The following UNC5D variants were observed in gnomAD, a reference collection of about 807,000 sequenced individuals.
The protein encoded by UNC5D is unc-5 netrin receptor D, also known as netrin receptor UNC5D.
In UNC5D, 39 loss-of-function variants were observed where a neutral mutation model predicts 105.4. The observed-to-expected ratio is 0.37, with a 90% CI of 0.29 to 0.48. The LOEUF is 0.48. UNC5D is among the 20% of genes least tolerant of loss of function. UNC5D has a pLI of 0.98. For synonymous variants in UNC5D, 452 were observed against 450.4 expected (o/e 1.00, Z -0.04); for missense variants, 991 against 1,202.4 (o/e 0.82, Z 2.60).
At chr8:35,660,291 A>C (rs1450403609) in intron 4 of UNC5D, among the ~76,000 whole-genome samples, 1 of 152,188 alleles carries the variant, frequency 6.6e-6, no homozygotes, top group Admixed American at 6.5e-5. Context: ...TGGTCTTATA[A>C]AAGGAAGTAA....
intron 2 of UNC5D, among the ~76,000 whole-genome samples, chr8:35,550,416 G>A (rs973154767): frequency 7.9e-5 from 12 of 152,096 alleles, no homozygotes; most frequent in Non-Finnish European, 1.2e-4. Context: ...CTGGTCACAC[G>A]TTAGATTGTT....
chr8:35,570,548 T>A (rs777609656), intron 3 of UNC5D, among the ~76,000 whole-genome samples: 23 of 152,170 alleles, frequency 1.5e-4, no homozygotes, highest in South Asian at 6.2e-4. Flanking sequence ...GAATTAAAAT[T>A]TTAGTAACCT....
At chr8:35,698,137 ATATGTT>A (rs1243787006) in intron 7 of UNC5D, among the ~76,000 whole-genome samples, 2 of 151,996 alleles carry the variant, frequency 1.3e-5, no homozygotes, top group Non-Finnish European at 2.9e-5. Context: ...TAAAAATTGT[ATATGTT>A]TAAATTGCAC....
chr8:35,705,869 T>C (rs2131452807), intron 7 of UNC5D, 60 bp from the exon 8 acceptor site: 1 of 1,095,746 alleles, frequency 9.1e-7, no homozygotes, highest in Non-Finnish European at 1.3e-6. Flanking sequence ...ACAGGAAATA[T>C]ATCTGCTCCA....
chr8:35,241,858 C>CA (rs1411031515), intron 1 of UNC5D, among the ~76,000 whole-genome samples: 21 of 152,152 alleles, frequency 1.4e-4, no homozygotes, highest in African/African-American at 5.1e-4. Context: ...TCTCTTTCAG[C>CA]TATTTTGGAA....
In UNC5D at chr8:35,537,983, C is replaced by G. The variant is rs373159682; in HGVS notation, c.104-11309C>G. On this transcript the variant is annotated intron_variant, in intron 1 of 16. Transcript: ENST00000404895. ...CTCACATCCTTTGCTTTCATGGAAC[C>G]TATAGTCTAGATATACATGATATCC... 4.6e-5 allele frequency among the ~76,000 whole-genome samples: 7 copies of G among 152,016 alleles called. No homozygotes were observed. The South Asian group carries it at 1.5e-3, about 32-fold the overall frequency.
intron 7 of UNC5D, among the ~76,000 whole-genome samples, chr8:35,696,282 A>ATTTTTTTTTTTTTTTTT (rs755876112): frequency 1.8e-5 from 2 of 113,224 alleles, no homozygotes; most frequent in African/African-American, 3.4e-5. Context: ...TCAATATTTA[A>ATTTTTTTTTTTTTTTTT]TTTTTTTTTT....
chr8:35,735,573 C>T (rs1158042416), intron 11 of UNC5D, among the ~76,000 whole-genome samples: 1 of 152,138 alleles, frequency 6.6e-6, no homozygotes, highest in African/African-American at 2.4e-5. Flanking sequence ...TAATAGAAAA[C>T]ATTATCTTTT....
At chr8:35,346,696 C>CAT (rs1811827684) in intron 1 of UNC5D, among the ~76,000 whole-genome samples, 1 of 151,818 alleles carries the variant, frequency 6.6e-6, no homozygotes, top group African/African-American at 2.4e-5. Flanking sequence ...AAATTGGTAC[C>CAT]ATGGCCTTGA....
intron 1 of UNC5D, among the ~76,000 whole-genome samples, chr8:35,269,004 A>G (rs1243510339): frequency 6.6e-6 from 1 of 152,208 alleles, no homozygotes; most frequent in Non-Finnish European, 1.5e-5. Context: ...TGGGTGGGTA[A>G]CCATAGTTTA....
At chr8:35,529,032 T>C (rs1247652029) in intron 1 of UNC5D, among the ~76,000 whole-genome samples, 3 of 118,190 alleles carry the variant, frequency 2.5e-5, no homozygotes, top group African/African-American at 3.5e-5. Context: ...TCTTTTGCTG[T>C]GCAGAAGCTC....
chr8:35,760,629 G>A (rs1381955114), intron 14 of UNC5D, among the ~76,000 whole-genome samples: 1 of 152,140 alleles, frequency 6.6e-6, no homozygotes, highest in Non-Finnish European at 1.5e-5. Flanking sequence ...AGTGCTTAAG[G>A]ACAGGATATT....
intron 1 of UNC5D, among the ~76,000 whole-genome samples, chr8:35,390,090 G>T (rs976444345): frequency 6.6e-6 from 1 of 152,198 alleles, no homozygotes; most frequent in African/African-American, 2.4e-5. Flanking sequence ...AGTCATGGCA[G>T]AAGGCAAAGG....
chr8:35,626,958 A>G (rs1484274438), intron 4 of UNC5D, among the ~76,000 whole-genome samples: 1 of 152,192 alleles, frequency 6.6e-6, no homozygotes, highest in Non-Finnish European at 1.5e-5. Context: ...GAAGCAGAAT[A>G]GTTTCTTTAA....
At chr8:35,701,956 A>G (rs1311463440) in intron 7 of UNC5D, among the ~76,000 whole-genome samples, 1 of 150,150 alleles carries the variant, frequency 6.7e-6, no homozygotes, top group Non-Finnish European at 1.5e-5. Context: ...ACTACCTAGT[A>G]ACTGTGTAAG....
At chr8:35,659,995 C>T (rs1412064864) in intron 4 of UNC5D, among the ~76,000 whole-genome samples, 1 of 152,210 alleles carries the variant, frequency 6.6e-6, no homozygotes, top group Non-Finnish European at 1.5e-5. Context: ...AGGAAGAGTT[C>T]ACTTCCCAAA....
At chr8:35,713,900 G>A (rs1365316241) in intron 8 of UNC5D, among the ~76,000 whole-genome samples, 1 of 152,240 alleles carries the variant, frequency 6.6e-6, no homozygotes, top group Non-Finnish European at 1.5e-5. Context: ...AGCATGAACT[G>A]TAGTGTGAGC....
rs903970975 is a variant in UNC5D, at chr8:35,573,763, A to G, written c.466+5522A>G. On this transcript the variant is annotated intron_variant, in intron 3 of 16. Transcript: ENST00000404895. ...TACACATGCATGCATGCACACACAC[A>G]TTTTGTTTTAGGAGCCAAAGTGCCT... 2.6e-5 allele frequency among the ~76,000 whole-genome samples: 4 copies of G among 152,192 alleles called. No homozygotes were observed. The East Asian group carries it at 7.7e-4, about 29-fold the overall frequency.
At chr8:35,307,691 CTG>C (rs1422315537) in intron 1 of UNC5D, among the ~76,000 whole-genome samples, 1 of 152,086 alleles carries the variant, frequency 6.6e-6, no homozygotes, top group African/African-American at 2.4e-5. Context: ...TGCAGTGAAC[CTG>C]GTTTAATTAA....
Sources: gnomAD v4.1 joint callset for allele counts (sites outside exome capture counted in the v4.1 genomes callset) on GRCh38, gnomAD v4.1.1 for gene constraint, MANE v1.5 for transcripts, NCBI Gene and HGNC (gene_info 2026-07-23, HGNC 2026-07-21) for gene names.